Variants in JMJD1C observed in about 807,000 individuals in gnomAD.
The protein encoded by JMJD1C is jumonji domain containing 1C.
A neutral mutation model predicts 245.3 loss-of-function variants in JMJD1C; 31 were observed. The ratio of observed to expected loss-of-function variants is 0.13; its 90% CI spans 0.09 to 0.17. JMJD1C has a LOEUF of 0.17. Ranked by LOEUF, JMJD1C falls within the 10% of genes least tolerant of loss-of-function variation. The pLI, the probability that JMJD1C is intolerant of heterozygous loss-of-function variation, is 1.00. For synonymous variants in JMJD1C, 1,057 were observed against 1,017.4 expected (o/e 1.04, Z -0.74); for missense variants, 2,691 against 3,000.2 (o/e 0.90, Z 2.41).
Position 63,207,405 on chromosome 10 carries a change from T to C in JMJD1C, c.4264A>G (p.Asn1422Asp), listed in dbSNP as rs1846763038. The change falls in exon 10 of 26, where the codon AAT becomes GAT. Residue 1422 changes from asparagine to aspartate, a missense_variant. Asn to Asp is a conservative substitution (Grantham distance 23). Around this residue, in one of 9 missense-constraint regions of JMJD1C, gnomAD observed 1,562 missense variants for 1,490.7 expected, o/e 1.05. Transcript: ENST00000399262. ...GATGATGTAGAGGCCAAAATGGTAT[T>C]TGATAAAGAGGAAATTACTTCTGAA... ...GGSEVISSLSNTILASTSSEC... is the reference protein window; with the variant it reads ...GGSEVISSLSDTILASTSSEC... The C allele has an allele frequency of 9.9e-6, 16 of 1,614,120 alleles. No individual in the cohort carries two copies. Among genetic ancestry groups the C allele is most frequent in the Middle Eastern group, 1.6e-4 (1 of 6,062 alleles).
intron 2 of JMJD1C, among the ~76,000 whole-genome samples, chr10:63,356,849 A>C (rs966875785): frequency 3.9e-5 from 6 of 152,166 alleles, no homozygotes; most frequent in African/African-American, 1.4e-4. Context: ...TACTATTCAC[A>C]ACTATTCAAA....
chr10:63,521,764 C>A, exon 1 of JMJD1C: 1 of 356,054 alleles, frequency 2.8e-6, no homozygotes, highest in South Asian at 1.3e-4. Flanking sequence ...GCGGAGCTCC[C>A]TGCGACGGCC....
At chr10:63,205,028 C>T (rs1846434003) in intron 10 of JMJD1C, 1 of 985,216 alleles carries the variant, frequency 1.0e-6, no homozygotes, top group Non-Finnish European at 1.2e-6. Flanking sequence ...CATTGTGCAA[C>T]ATACCTAAAA....
intron 1 of JMJD1C, among the ~76,000 whole-genome samples, chr10:63,479,030 T>A (rs1299221539): frequency 6.6e-6 from 1 of 152,224 alleles, no homozygotes; most frequent in Non-Finnish European, 1.5e-5. Flanking sequence ...CAAGAATTGT[T>A]CTATTCCCTA....
chr10:63,389,140 A>T (rs1947845167), intron 1 of JMJD1C, among the ~76,000 whole-genome samples: 1 of 152,022 alleles, frequency 6.6e-6, no homozygotes, highest in East Asian at 1.9e-4. Context: ...CCTGGCCAAC[A>T]TGGTGAAACC....
At chr10:63,330,057 C>A (rs867213794) in intron 2 of JMJD1C, among the ~76,000 whole-genome samples, 1 of 152,154 alleles carries the variant, frequency 6.6e-6, no homozygotes, top group Non-Finnish European at 1.5e-5. Flanking sequence ...TGCGCCACCA[C>A]GCCCGGCTAA....
At chr10:63,356,225 A>G (rs1382484117) in intron 2 of JMJD1C, among the ~76,000 whole-genome samples, 1 of 152,172 alleles carries the variant, frequency 6.6e-6, no homozygotes, top group Non-Finnish European at 1.5e-5. Context: ...ATCTACTACA[A>G]AGTAGAAGAC....
chr10:63,337,539 G>C (rs1244871032), intron 2 of JMJD1C, among the ~76,000 whole-genome samples: 1 of 68,188 alleles, frequency 1.5e-5, no homozygotes, highest in Non-Finnish European at 3.0e-5. Flanking sequence ...GGAGGGGAGG[G>C]GAGGAGAGGA....
At chr10:63,334,211 A>G (rs1297808567) in intron 2 of JMJD1C, among the ~76,000 whole-genome samples, 1 of 152,228 alleles carries the variant, frequency 6.6e-6, no homozygotes, top group Non-Finnish European at 1.5e-5. Flanking sequence ...TAAAGGAGAC[A>G]GAGGACATGG....
rs1258811652 is a variant in JMJD1C, at chr10:63,354,182, G to T, written c.333+26136C>A. On this transcript the variant is annotated intron_variant, in intron 2 of 25. Coordinates refer to ENST00000399262, the MANE Select transcript of JMJD1C (RefSeq NM_032776.3). ...AGTAATCCAGCATTTAACTGCAAAG[G>T]TTAAGTACAATATAAATAGTAATCC... Among the ~76,000 whole-genome samples, 5 of 152,236 alleles carry T rather than the reference G, an allele frequency of 3.3e-5. No individual in the cohort carries two copies. The South Asian group carries it at 1.0e-3, about 32-fold the overall frequency.
At chr10:63,193,271 A>G (rs982236130) in intron 15 of JMJD1C, 74 bp downstream of exon 15, 1 of 1,508,284 alleles carries the variant, frequency 6.6e-7, no homozygotes, top group African/African-American at 1.4e-5. Flanking sequence ...GTCCTAAACC[A>G]AATTTCAAAT....
intron 22 of JMJD1C, among the ~76,000 whole-genome samples, chr10:63,181,756 G>A (rs56869072): frequency 0.021 from 3,228 of 152,274 alleles, 111 homozygotes; most frequent in African/African-American, 0.072. Context: ...AATAGTAATG[G>A]AGGAAAGCAG....
intron 2 of JMJD1C, among the ~76,000 whole-genome samples, chr10:63,324,034 TCTGC>T (rs1941232394): frequency 8.9e-6 from 1 of 112,014 alleles, no homozygotes; most frequent in Non-Finnish European, 1.9e-5. Context: ...TCATCCTTCG[TCTGC>T]CTTTTTTTTT....
At chr10:63,274,596 A>G (rs1283338792) in intron 2 of JMJD1C, among the ~76,000 whole-genome samples, 2 of 152,166 alleles carry the variant, frequency 1.3e-5, no homozygotes, top group Non-Finnish European at 2.9e-5. Context: ...TTTAACATTA[A>G]TAACTCCATG....
chr10:63,493,680 A>G (rs998114233), intron 1 of JMJD1C, among the ~76,000 whole-genome samples: 3 of 152,232 alleles, frequency 2.0e-5, no homozygotes, highest in Non-Finnish European at 4.4e-5. Flanking sequence ...ATATTATTAG[A>G]TAATAAATTC....
At chr10:63,338,778 A>G (rs984871294) in intron 2 of JMJD1C, among the ~76,000 whole-genome samples, 1 of 148,398 alleles carries the variant, frequency 6.7e-6, no homozygotes, top group African/African-American at 2.5e-5. Flanking sequence ...CCTCCCAAGT[A>G]GCTGGGATTA....
At chr10:63,445,956 G>C (rs1951696120) in intron 1 of JMJD1C, among the ~76,000 whole-genome samples, 1 of 132,984 alleles carries the variant, frequency 7.5e-6, no homozygotes, top group Non-Finnish European at 1.5e-5. Flanking sequence ...GCTCACTGCA[G>C]CCTCAACCTC....
intron 2 of JMJD1C, among the ~76,000 whole-genome samples, chr10:63,325,922 T>C (rs1056809532): frequency 1.3e-5 from 2 of 152,238 alleles, no homozygotes; most frequent in African/African-American, 4.8e-5. Flanking sequence ...TTATATTTAT[T>C]CCATTTACAT....
At chr10:63,242,448 G>A (rs561815234) in intron 3 of JMJD1C, among the ~76,000 whole-genome samples, 19 of 152,300 alleles carry the variant, frequency 1.2e-4, no homozygotes, top group Non-Finnish European at 2.1e-4. Context: ...CAGGCCGGGC[G>A]TAGTGGCTCA....
Sources: gnomAD v4.1 joint callset for allele counts (sites outside exome capture counted in the v4.1 genomes callset) on GRCh38, gnomAD v4.1.1 for gene constraint, gnomAD v4.1.1 regional missense constraint, MANE v1.5 for transcripts, NCBI Gene and HGNC (gene_info 2026-07-23, HGNC 2026-07-21) for gene names.